Variants in ADAMTS3 observed in about 807,000 individuals in gnomAD.
ADAMTS3 encodes the protein A disintegrin and metalloproteinase with thrombospondin motifs 3.
ADAMTS3 carries 73 observed loss-of-function variants against 129.0 expected under a neutral mutation model. The ratio of observed to expected loss-of-function variants is 0.57; its 90% CI spans 0.47 to 0.69. The LOEUF is 0.69. Ranked by LOEUF, ADAMTS3 falls within the 30% of genes least tolerant of loss-of-function variation. The pLI is 0.00. For missense variants in ADAMTS3, 1,457 were observed against 1,514.5 expected (o/e 0.96, Z 0.63); for synonymous variants, 477 against 510.8 (o/e 0.93, Z 0.89).
intron 18 of ADAMTS3, among the ~76,000 whole-genome samples, chr4:72,296,285 C>A (rs375413655): frequency 6.6e-6 from 1 of 151,902 alleles, no homozygotes; most frequent in East Asian, 1.9e-4. Context: ...AAGGAAATAA[C>A]GTGTGAAAAA....
chr4:72,348,603 T>C (rs900319318), intron 4 of ADAMTS3, among the ~76,000 whole-genome samples: 26 of 152,038 alleles, frequency 1.7e-4, no homozygotes, highest in African/African-American at 4.8e-4. Flanking sequence ...TATGGTACAA[T>C]TGACCATAAG....
At chr4:72,568,059 G>A (rs1438647537) in intron 1 of ADAMTS3, 1 of 153,356 alleles carries the variant, frequency 6.5e-6, no homozygotes, top group Admixed American at 6.5e-5. Flanking sequence ...GAGGGGGAGG[G>A]GAGAAGGCGG....
chr4:72,548,671 G>A lies in ADAMTS3; in HGVS notation c.311C>T (p.Pro104Leu). Residue 104 changes from proline (P) to leucine (L), a missense_variant, in exon 3 of 22, where the codon CCT becomes CTT. Pro to Leu is a moderately conservative substitution (Grantham distance 98). Transcript: ENST00000286657. ...CTCATGCCACTCCACAACAGCCCCA[G>A]GAGCTACTAGTTGAGTGTTGGGCTT... ...RLKPNTQLVA[P>L]GAVVEWHETS... The A allele has an allele frequency of 1.2e-6, 2 of 1,613,992 alleles. No individual in the cohort carries two copies. The highest frequency in any genetic ancestry group is 1.7e-6 in the Non-Finnish European group (2 of 1,179,920).
chr4:72,410,357 C>A (rs537541670), intron 4 of ADAMTS3, among the ~76,000 whole-genome samples: 5 of 152,240 alleles, frequency 3.3e-5, no homozygotes, highest in East Asian at 1.9e-4. Flanking sequence ...ACCATGACAA[C>A]CACACCAGCA....
rs539936750 is a variant in ADAMTS3 at position 72,409,105 on chromosome 4, A to C, written c.661+5710T>G. On this transcript the variant is annotated intron_variant, in intron 4 of 21. Transcript: ENST00000286657. Reference sequence around the variant, plus strand: ...AATAAAAATAAAATAAAATGTGGTTAAGGAGGCACGCTTGGCATGAGCAGA... The same window carrying C: ...AATAAAAATAAAATAAAATGTGGTTCAGGAGGCACGCTTGGCATGAGCAGA... 3.2e-4 allele frequency among the ~76,000 whole-genome samples: 48 copies of C among 152,232 alleles called. No homozygotes were observed. In the South Asian group the frequency reaches 9.9e-3, roughly 32 times the overall value.
At chr4:72,505,273 G>T (rs1482206745) in intron 3 of ADAMTS3, among the ~76,000 whole-genome samples, 2 of 151,974 alleles carry the variant, frequency 1.3e-5, no homozygotes, top group Non-Finnish European at 2.9e-5. Context: ...TTCTTTCCCT[G>T]TCTCTTTACC....
At chr4:72,492,022 C>A (rs1334240329) in intron 3 of ADAMTS3, among the ~76,000 whole-genome samples, 1 of 151,484 alleles carries the variant, frequency 6.6e-6, no homozygotes, top group African/African-American at 2.4e-5. Flanking sequence ...GAAAATTGAT[C>A]CATTTCTTTT....
At chr4:72,555,978 G>C (rs976581522) in intron 2 of ADAMTS3, among the ~76,000 whole-genome samples, 1 of 151,442 alleles carries the variant, frequency 6.6e-6, no homozygotes, top group African/African-American at 2.4e-5. Flanking sequence ...ATAGCCTATG[G>C]AACTGTGATT....
intron 3 of ADAMTS3, among the ~76,000 whole-genome samples, chr4:72,485,376 A>G (rs1719558815): frequency 6.6e-6 from 1 of 152,162 alleles, no homozygotes; most frequent in Admixed American, 6.5e-5. Context: ...ATGATTTTAG[A>G]AGTGATATAA....
intron 4 of ADAMTS3, among the ~76,000 whole-genome samples, chr4:72,370,242 T>TG (rs1338922249): frequency 6.6e-6 from 1 of 152,154 alleles, no homozygotes; most frequent in Non-Finnish European, 1.5e-5. Context: ...AACGGACCAG[T>TG]GGCCGACTCT....
At chr4:72,549,881 A>G (rs896710233) in intron 2 of ADAMTS3, among the ~76,000 whole-genome samples, 2 of 149,712 alleles carry the variant, frequency 1.3e-5, no homozygotes, top group African/African-American at 4.9e-5. Flanking sequence ...AGGAACTATT[A>G]TAAGAATGAT....
intron 4 of ADAMTS3, among the ~76,000 whole-genome samples, chr4:72,340,788 TA>T (rs1720117312): frequency 1.3e-5 from 2 of 152,154 alleles, no homozygotes; most frequent in African/African-American, 2.4e-5. Flanking sequence ...TTTAGTGAAT[TA>T]AAAAATAAAA....
At chr4:72,388,026 G>A (rs540311418) in intron 4 of ADAMTS3, among the ~76,000 whole-genome samples, 80 of 152,264 alleles carry the variant, frequency 5.3e-4, no homozygotes, top group Admixed American at 5.1e-3. Flanking sequence ...CAGTGAGATG[G>A]TAAGAATGAC....
rs372655516 is a variant in ADAMTS3, at chr4:72,529,978, A to ATAATATATTATATTTATATATATAT, written c.504+18499_504+18500insATATATATATAAATATAATATATTA. Among the ~76,000 whole-genome samples, 8 of 6,724 alleles carry ATAATATATTATATTTATATATATAT rather than the reference A, an allele frequency of 1.2e-3. 1 individual carries two copies. Among genetic ancestry groups the ATAATATATTATATTTATATATATAT allele is most frequent in the African/African-American group, 5.7e-3 (8 of 1,396 alleles). The allele number at this position is 6,724 out of a possible 152,430, so 4.4% of individuals were successfully genotyped here. On this transcript the variant is annotated intron_variant, in intron 3 of 21. Transcript: ENST00000286657. ...ATATAATATATTATATTTATATATAAATATAATATATTATATTTATATATA... is the reference window on the plus strand; with the variant it reads ...ATATAATATATTATATTTATATATAATAATATATTATATTTATATATATATATATAATATATTATATTTATATATA...
At chr4:72,295,485 G>C (rs1371338790) in intron 19 of ADAMTS3, among the ~76,000 whole-genome samples, 169 bp downstream of exon 19, 1 of 152,044 alleles carries the variant, frequency 6.6e-6, no homozygotes, top group African/African-American at 2.4e-5. Flanking sequence ...CAAGAATGTG[G>C]TGAAAGGCAC....
intron 16 of ADAMTS3, among the ~76,000 whole-genome samples, chr4:72,305,236 AT>A (rs1440797344): frequency 4.6e-5 from 7 of 152,166 alleles, no homozygotes; most frequent in Admixed American, 3.9e-4. Flanking sequence ...AGAAAAAAAA[AT>A]CTTCTTGTGG....
intron 16 of ADAMTS3, among the ~76,000 whole-genome samples, chr4:72,305,222 T>C (rs1385868390): frequency 6.6e-6 from 1 of 151,790 alleles, no homozygotes; most frequent in African/African-American, 2.4e-5. Flanking sequence ...AATCGTCTCA[T>C]AAAAGAAAAA....
At chr4:72,506,783 C>T (rs1720169812) in intron 3 of ADAMTS3, among the ~76,000 whole-genome samples, 1 of 152,318 alleles carries the variant, frequency 6.6e-6, no homozygotes. Flanking sequence ...GGGCTTCACT[C>T]ACTTTTATCA....
chr4:72,565,614 G>A (rs181946425), intron 2 of ADAMTS3, among the ~76,000 whole-genome samples: 1 of 152,264 alleles, frequency 6.6e-6, no homozygotes, highest in Admixed American at 6.5e-5. Flanking sequence ...AAATAAGAAT[G>A]GTAATAATAA....
Sources: allele counts gnomAD v4.1 joint callset (sites outside exome capture counted in the v4.1 genomes callset), GRCh38; gene constraint gnomAD v4.1.1; transcripts MANE v1.5; gene names NCBI Gene and HGNC (gene_info 2026-07-23, HGNC 2026-07-21).